The following NUP205 variants were observed in gnomAD, a reference collection of about 807,000 sequenced individuals.
NUP205 encodes nucleoporin 205.
Under a neutral mutation model 253.8 loss-of-function variants are expected in NUP205, and 76 were observed. That is an observed-to-expected ratio of 0.30 (90% CI 0.25 to 0.36). The LOEUF (loss-of-function observed/expected upper bound fraction) is 0.36, where lower values mean the gene tolerates loss of function less well. Among genes scored for constraint, NUP205 ranks in the 10% least tolerant of loss-of-function variants. The probability of loss-of-function intolerance (pLI) is 1.00; values close to 1 mark genes in which losing one functional copy is unlikely to be tolerated. For synonymous variants in NUP205, 832 were observed against 850.1 expected, an observed-to-expected ratio of 0.98 and a Z score of 0.37; for missense variants, 2,162 against 2,425.5, an observed-to-expected ratio of 0.89 and a Z score of 2.28.
chr7:135,615,902 T>A lies in NUP205; in HGVS notation c.3311-14T>A. The A allele has an allele frequency of 6.3e-7, 1 of 1,597,304 alleles. No homozygotes were observed. Among genetic ancestry groups the A allele is most frequent in the Non-Finnish European group, 8.5e-7 (1 of 1,170,956 alleles). On this transcript the variant is annotated splice_polypyrimidine_tract_variant and intron_variant, in intron 23 of 42. Transcript: ENST00000285968. Reference sequence around the variant, plus strand: ...ATTACTCTGGGAAACAAAATTTACATGTTTAAATTCTAGAATATGAAATAT... The same window carrying A: ...ATTACTCTGGGAAACAAAATTTACAAGTTTAAATTCTAGAATATGAAATAT...
intron 39 of NUP205, among the ~76,000 whole-genome samples, chr7:135,643,607 G>A (rs1222162166): frequency 6.6e-6 from 1 of 152,108 alleles, no homozygotes; most frequent in African/African-American, 2.4e-5. Flanking sequence ...TGAATGAAGA[G>A]TTTTGGGTCA....
intron 33 of NUP205, among the ~76,000 whole-genome samples, chr7:135,627,662 A>G (rs946921023): frequency 2.6e-5 from 4 of 152,200 alleles, no homozygotes; most frequent in Admixed American, 1.3e-4. Context: ...AACAGCCTAT[A>G]TGGCCCAAGG....
At position 135,572,928 on chromosome 7, in the gene NUP205, T is replaced by A. The variant is rs114544647; in HGVS notation, c.172-726T>A. ...ATAGGATTGTGTTACCAGAAATGGC[T>A]TTTTGCTTTTTAGCTTTTTTTTTTT... is the stretch of plus-strand genomic sequence containing the variant. On this transcript the variant is annotated intron_variant, in intron 2 of 42. Transcript: ENST00000285968. Among the ~76,000 whole-genome samples, 1,495 of 152,112 alleles carry A rather than the reference T, an allele frequency of 9.8e-3. 15 individuals are homozygous for A. Among genetic ancestry groups the A allele is most frequent in the African/African-American group, 0.034 (1,415 of 41,474 alleles).
At chr7:135,603,075 A>T in intron 18 of NUP205, 81 bp downstream of exon 18, 4 of 868,606 alleles carry the variant, frequency 4.6e-6, no homozygotes, top group East Asian at 2.8e-5. Flanking sequence ...TTAGGTATCT[A>T]GTGCATCACC....
chr7:135,583,634 C>A (rs1806370467), intron 7 of NUP205, among the ~76,000 whole-genome samples: 1 of 151,980 alleles, frequency 6.6e-6, no homozygotes, highest in African/African-American at 2.4e-5. Flanking sequence ...TTGGCGCACA[C>A]CTATAATCCC....
chr7:135,627,181 T>A (rs1794609484), intron 33 of NUP205, among the ~76,000 whole-genome samples: 1 of 152,112 alleles, frequency 6.6e-6, no homozygotes, highest in South Asian at 2.1e-4. Flanking sequence ...TCGTTCCCCC[T>A]CAATAGGCAG....
At chr7:135,622,412 G>A (rs1584680539) in intron 30 of NUP205, among the ~76,000 whole-genome samples, 1 of 147,994 alleles carries the variant, frequency 6.8e-6, no homozygotes, top group Admixed American at 6.7e-5. Flanking sequence ...ACAGAGCCAG[G>A]CTCTGTCTCA....
intron 36 of NUP205, 47 bp from the exon 37 acceptor site, chr7:135,637,884 G>T (rs941176758): frequency 6.4e-7 from 1 of 1,554,024 alleles, no homozygotes. Flanking sequence ...AAGAAAGAGA[G>T]GTTACTAATT....
Position 135,557,990 on chromosome 7 carries a change from G to C in NUP205, c.28+18G>C, listed in dbSNP as rs1273896058. 6 of 1,607,868 alleles carry C rather than the reference G, an allele frequency of 3.7e-6. No homozygotes were observed. The highest frequency in any genetic ancestry group is 5.1e-6 in the Non-Finnish European group (6 of 1,174,378). ...AAATTCGGGTAAGTGTGGCCAGACAGAAAGACGATTGAGCTGAGCGATAAC... is the reference window on the plus strand; with the variant it reads ...AAATTCGGGTAAGTGTGGCCAGACACAAAGACGATTGAGCTGAGCGATAAC... On this transcript the variant is annotated intron_variant, in intron 1 of 42. Transcript: ENST00000285968.
intron 4 of NUP205, 81 bp from the exon 5 acceptor site, chr7:135,576,888 A>G: frequency 7.3e-7 from 1 of 1,366,092 alleles, no homozygotes; most frequent in Non-Finnish European, 1.0e-6. Context: ...TCTCAAAAAA[A>G]GAGCGTTTGC....
intron 33 of NUP205, among the ~76,000 whole-genome samples, chr7:135,626,781 A>G (rs1794599921): frequency 3.3e-5 from 5 of 152,302 alleles, no homozygotes; most frequent in Admixed American, 3.3e-4. Context: ...AATTGTTTTC[A>G]AGTTTCAAGC....
intron 22 of NUP205, among the ~76,000 whole-genome samples, chr7:135,609,936 A>C (rs776849069): frequency 6.6e-6 from 1 of 152,206 alleles, no homozygotes; most frequent in African/African-American, 2.4e-5. Context: ...TGGCAGGTGA[A>C]GTAAATGAAT....
rs768839261 is a variant in NUP205 at position 135,638,641 on chromosome 7, C to T, written c.5350C>T (p.Pro1784Ser). ...TFQHAVCLFTPSLSETVNRDG... is the reference protein window; with the variant it reads ...TFQHAVCLFTSSLSETVNRDG... Reference sequence around the variant, plus strand: ...CCAGCATGCTGTGTGTCTCTTCACTCCTAGCCTTTCAGAAACAGTTAATAG... The same window carrying T: ...CCAGCATGCTGTGTGTCTCTTCACTTCTAGCCTTTCAGAAACAGTTAATAG... The change falls in exon 38 of 43, where the codon CCT (proline) becomes TCT (serine). Residue 1784 changes from proline to serine, a missense_variant. By Grantham distance (74) the Pro-to-Ser change is moderately conservative. Coordinates refer to ENST00000285968, the MANE Select transcript of NUP205 (RefSeq NM_015135.3). The T allele has an allele frequency of 5.4e-5, 87 of 1,613,956 alleles. No homozygotes were observed. The highest frequency in any genetic ancestry group is 1.5e-5 in the Non-Finnish European group (18 of 1,180,012).
intron 8 of NUP205, among the ~76,000 whole-genome samples, chr7:135,587,137 A>G (rs192736782): frequency 1.4e-4 from 22 of 152,066 alleles, no homozygotes; most frequent in Non-Finnish European, 2.4e-4. Context: ...GTGATTCTCA[A>G]CTGAGGTATA....
intron 10 of NUP205, 25 bp from the exon 11 acceptor site, chr7:135,591,425 A>G (rs372925220): frequency 6.2e-7 from 1 of 1,609,346 alleles, no homozygotes; most frequent in South Asian, 1.1e-5. Flanking sequence ...ACATTATATA[A>G]ACCATTTGTT....
intron 19 of NUP205, 125 bp from the exon 20 acceptor site, chr7:135,606,020 G>A (rs985724365): frequency 3.6e-5 from 23 of 634,960 alleles, no homozygotes; most frequent in Middle Eastern, 4.0e-4. Context: ...TAACTAAAAC[G>A]TAAATACCTA....
rs138978515 is a variant in NUP205 at position 135,606,701 on chromosome 7, C to T, written c.2906-50C>T. ...AGTTTTGTATTTTTTATTTGACTTA[C>T]GTTAACTTTCCACTGTTTTGTAATT... On this transcript the variant is annotated intron_variant, in intron 20 of 42. Transcript: ENST00000285968. 315 of 1,452,708 alleles carry T rather than the reference C, an allele frequency of 2.2e-4. No individual in the cohort carries two copies. In the African/African-American group the frequency reaches 2.8e-3, roughly 13 times the overall value. 90.0% of individuals were successfully genotyped at this position (1,452,708 alleles called of 1,614,324 possible).
chr7:135,623,463 C>T (rs1584681370), intron 31 of NUP205, among the ~76,000 whole-genome samples: 1 of 151,990 alleles, frequency 6.6e-6, no homozygotes, highest in East Asian at 1.9e-4. Context: ...TCAGAATTAT[C>T]TTCTTGCTAA....
intron 42 of NUP205, among the ~76,000 whole-genome samples, chr7:135,647,445 C>T (rs1432528883): frequency 6.6e-6 from 1 of 152,284 alleles, no homozygotes; most frequent in East Asian, 1.9e-4. Context: ...TGTGGCTAGG[C>T]TTGTTTAGGA....
Sources: allele counts gnomAD v4.1 joint callset (sites outside exome capture counted in the v4.1 genomes callset), GRCh38; gene constraint gnomAD v4.1.1; transcripts MANE v1.5; gene names NCBI Gene and HGNC (gene_info 2026-07-23, HGNC 2026-07-21).